The following ITLN2 variants were observed in gnomAD, a reference collection of about 807,000 sequenced individuals.
The protein encoded by ITLN2 is intelectin-2.
A neutral mutation model predicts 39.4 loss-of-function variants in ITLN2; 29 were observed. The observed-to-expected ratio is 0.74, with a 90% CI of 0.55 to 1.00. ITLN2 has a LOEUF of 1.00. ITLN2 is among the 50% of genes least tolerant of loss of function. The pLI is 0.00. For missense variants in ITLN2, 412 were observed against 416.7 expected, an observed-to-expected ratio of 0.99 and a Z score of 0.10; for synonymous variants, 156 against 153.4, an observed-to-expected ratio of 1.02 and a Z score of -0.12.
intron 7 of ITLN2, among the ~76,000 whole-genome samples, chr1:160,946,576 G>A (rs1201396660): frequency 2.0e-5 from 3 of 151,712 alleles, no homozygotes; most frequent in African/African-American, 7.3e-5. Flanking sequence ...AGTGGGGCGT[G>A]GTGGTGGGCC....
At chr1:160,953,391 C>G (rs774561648) in intron 2 of ITLN2, among the ~76,000 whole-genome samples, 1 of 152,128 alleles carries the variant, frequency 6.6e-6, no homozygotes, top group Admixed American at 6.5e-5. Flanking sequence ...ATTCCAAAAG[C>G]CTGGCAGAGC....
chr1:160,947,942 C>G lies in ITLN2; in HGVS notation c.812G>C (p.Cys271Ser). ...ALCAGIKVTG[C>S]NTEHHCIGGG... ...CCAAAAACTCACATGCTCAGTGTTA[C>G]AGCCAGTAACTTTTATCCCAGCACA... is the stretch of plus-strand genomic sequence containing the variant. The change falls in exon 7 of 8, where the codon TGT becomes TCT. Residue 271 changes from cysteine to serine, a missense_variant. Cys to Ser is a moderately radical substitution (Grantham distance 112). Coordinates refer to ENST00000368029, the MANE Select transcript of ITLN2 (RefSeq NM_080878.3). The G allele has an allele frequency of 1.9e-6, 3 of 1,613,150 alleles. No individual in the cohort carries two copies. The highest frequency in any genetic ancestry group is 2.5e-6 in the Non-Finnish European group (3 of 1,179,178).
intron 2 of ITLN2, among the ~76,000 whole-genome samples, chr1:160,953,409 A>C (rs1031822466): frequency 2.0e-5 from 3 of 152,182 alleles, no homozygotes; most frequent in Admixed American, 2.0e-4. Flanking sequence ...AGCGGGAAAA[A>C]GTGTAAAATT....
At chr1:160,945,790 A>G (rs1334025474) in intron 7 of ITLN2, among the ~76,000 whole-genome samples, 1 of 151,888 alleles carries the variant, frequency 6.6e-6, no homozygotes, top group South Asian at 2.1e-4. Context: ...TCTTCCTCCA[A>G]CCCCTAGGCA....
chr1:160,946,742 C>T (rs2101936168), intron 7 of ITLN2, among the ~76,000 whole-genome samples: 1 of 151,272 alleles, frequency 6.6e-6, no homozygotes, highest in Non-Finnish European at 1.5e-5. Context: ...GAAAAGGACT[C>T]TTCAAAGAAA....
intron 6 of ITLN2, 174 bp downstream of exon 6, chr1:160,949,872 A>T (rs1211596856): frequency 3.3e-6 from 2 of 609,582 alleles, no homozygotes; most frequent in Admixed American, 5.9e-5. Flanking sequence ...TTCTAACTTC[A>T]TAGTTTTCTC....
chr1:160,947,605 CA>C (rs1217831611), intron 7 of ITLN2, among the ~76,000 whole-genome samples: 4 of 152,216 alleles, frequency 2.6e-5, no homozygotes, highest in Non-Finnish European at 5.9e-5. Flanking sequence ...CGGCTTTCCG[CA>C]GTGCATTGTG....
At position 160,948,037 on chromosome 1, in the gene ITLN2, A is replaced by G. The variant is rs1489043871; in HGVS notation, c.722-5T>C. On this transcript the variant is annotated splice_region_variant and splice_polypyrimidine_tract_variant and intron_variant, in intron 6 of 7. Coordinates refer to ENST00000368029, the MANE Select transcript of ITLN2 (RefSeq NM_080878.3). ...CGAATCCTGCAACAAATTCCCCTGAAAAAGAAGAGGTGAAGAAACAGCCAA... is the reference window on the plus strand; with the variant it reads ...CGAATCCTGCAACAAATTCCCCTGAGAAAGAAGAGGTGAAGAAACAGCCAA... 1.2e-6 allele frequency: 2 copies of G among 1,612,578 alleles called. No individual in the cohort carries two copies. The highest frequency in any genetic ancestry group is 2.2e-5 in the East Asian group (1 of 44,866).
chr1:160,948,107 AG>A, intron 6 of ITLN2, 75 bp from the exon 7 acceptor site: 1 of 1,267,918 alleles, frequency 7.9e-7, no homozygotes. Context: ...TGGCCAGTCC[AG>A]GGATTCCCTA....
At chr1:160,954,503 C>T (rs1557875969) in intron 1 of ITLN2, 53 bp from the exon 2 acceptor site, 15 of 1,437,094 alleles carry the variant, frequency 1.0e-5, no homozygotes, top group Admixed American at 5.9e-5. Context: ...CTTTGTCATC[C>T]TCTCGTTCTT....
At chr1:160,948,865 C>T (rs1258568049) in intron 6 of ITLN2, 5 of 152,116 alleles carry the variant, frequency 3.3e-5, no homozygotes, top group Admixed American at 6.5e-5. Flanking sequence ...GGGTGTTCCT[C>T]GTTGGGTGGA....
In ITLN2 at chr1:160,952,604, T is replaced by C; in HGVS notation, c.193+16A>G. On this transcript the variant is annotated intron_variant, in intron 3 of 7. Coordinates refer to ENST00000368029, the MANE Select transcript of ITLN2 (RefSeq NM_080878.3). ...GTGGCTTCAAAGAGAGAATGCTGAG[T>C]TGGTTCATTACTCACCACCTGCACT... is the stretch of plus-strand genomic sequence containing the variant. 6.4e-7 allele frequency: 1 copy of C among 1,572,900 alleles called. No homozygotes were observed. Among genetic ancestry groups the C allele is most frequent in the Non-Finnish European group, 8.8e-7 (1 of 1,142,514 alleles).
intron 3 of ITLN2, 30 bp downstream of exon 3, chr1:160,952,590 G>A (rs1671769268): frequency 6.6e-7 from 1 of 1,518,150 alleles, no homozygotes; most frequent in South Asian, 1.1e-5. Flanking sequence ...TGGCTTCAAA[G>A]AGAGAATGCT....
chr1:160,952,359 A>G (rs1671763997), intron 3 of ITLN2, among the ~76,000 whole-genome samples: 1 of 152,018 alleles, frequency 6.6e-6, no homozygotes, highest in African/African-American at 2.4e-5. Context: ...TGGGGCAAGT[A>G]GGGGCAAATC....
chr1:160,953,981 C>T (rs1480589072), intron 2 of ITLN2, among the ~76,000 whole-genome samples: 1 of 152,080 alleles, frequency 6.6e-6, no homozygotes, highest in South Asian at 2.1e-4. Context: ...ATTCTATTCT[C>T]ACAATATCCT....
Position 160,945,132 on chromosome 1 carries a change from G to A in ITLN2, c.*8C>T. 1 of 1,577,082 alleles carries A rather than the reference G, an allele frequency of 6.3e-7. No individual in the cohort carries two copies. Among genetic ancestry groups the A allele is most frequent in the Non-Finnish European group, 8.6e-7 (1 of 1,169,394 alleles). On this transcript the variant is annotated 3_prime_UTR_variant, in exon 8 of 8. Transcript: ENST00000368029. The stretch of plus-strand genomic sequence containing the variant: ...TGGGTTCTCGCCCTGACACCGCAGA[G>A]CTCTGTCTCATCTATAGAACAAGAG...
intron 5 of ITLN2, 133 bp from the exon 6 acceptor site, chr1:160,950,299 C>T: frequency 9.7e-7 from 1 of 1,028,898 alleles, no homozygotes; most frequent in Non-Finnish European, 1.4e-6. Context: ...TTCCCCATAG[C>T]TGTGTCTCCC....
In ITLN2 at chr1:160,951,236, T is replaced by G; in HGVS notation, c.248A>C (p.Asp83Ala). 6.2e-7 allele frequency: 1 copy of G among 1,611,630 alleles called. No individual in the cohort carries two copies. The highest frequency in any genetic ancestry group is 8.5e-7 in the Non-Finnish European group (1 of 1,178,598). The change falls in exon 4 of 8, where the codon GAC becomes GCC. Residue 83 changes from aspartate to alanine, a missense_variant. Physicochemically the swap from Asp to Ala is moderately radical, Grantham distance 126. Coordinates refer to ENST00000368029, the MANE Select transcript of ITLN2 (RefSeq NM_080878.3). ...KNGVVYQTFC[D>A]MTSGGGGWTL... ...CCAGCCGCCACCCCCAGAAGTCATG[T>G]CACAGAAGGTCTGGTAGACAACACC... is the stretch of plus-strand genomic sequence containing the variant.
In ITLN2 at chr1:160,950,652, CTTG is replaced by C. The variant is rs1472645391; in HGVS notation, c.498_500del (p.Asn166del). 11 of 1,614,152 alleles carry C rather than the reference CTTG, an allele frequency of 6.8e-6. No homozygotes were observed. In the Admixed American group the frequency reaches 1.0e-4, roughly 15 times the overall value. On this transcript the variant is annotated inframe_deletion, in exon 5 of 8. Coordinates refer to ENST00000368029, the MANE Select transcript of ITLN2 (RefSeq NM_080878.3). Reference sequence around the variant, plus strand: ...TGTTTCTCCAATGCTGCATGGGGGACTTGTTGGGCACATGCCAGATGCCCAGGT... The same window carrying C: ...TGTTTCTCCAATGCTGCATGGGGGACTTGGGCACATGCCAGATGCCCAGGT...
Sources: gnomAD v4.1 joint callset for allele counts (sites outside exome capture counted in the v4.1 genomes callset) on GRCh38, gnomAD v4.1.1 for gene constraint, MANE v1.5 for transcripts, NCBI Gene and HGNC (gene_info 2026-07-23, HGNC 2026-07-21) for gene names.